Variants in CANX observed in about 807,000 individuals in gnomAD.
CANX encodes epididymis secretory sperm binding protein.
CANX carries 14 observed loss-of-function variants against 75.7 expected under a neutral mutation model. The observed-to-expected ratio is 0.19, with a 90% CI of 0.12 to 0.29. The LOEUF (loss-of-function observed/expected upper bound fraction) is 0.29, where lower values mean the gene tolerates loss of function less well. CANX is among the 10% of genes least tolerant of loss of function. CANX has a pLI of 1.00. For missense variants in CANX, 567 were observed against 713.2 expected (o/e 0.79, Z 2.34); for synonymous variants, 227 against 236.9 (o/e 0.96, Z 0.38).
At position 179,716,346 on chromosome 5, in the gene CANX, A is replaced by G. The variant is rs777112155; in HGVS notation, c.911+52A>G. 2.9e-6 allele frequency: 4 copies of G among 1,366,386 alleles called. No individual in the cohort carries two copies. The Admixed American group carries it at 6.1e-5, about 21-fold the overall frequency. The allele number at this position is 1,366,386 out of a possible 1,614,324, so 84.6% of individuals were successfully genotyped here. ...TGTAAGGGAGCATTTCATATATTCCATGTGGCTTGAACAACGAAATGTTGG... is the reference window on the plus strand; with the variant it reads ...TGTAAGGGAGCATTTCATATATTCCGTGTGGCTTGAACAACGAAATGTTGG... On this transcript the variant is annotated intron_variant, in intron 8 of 14. Transcript: ENST00000247461.
chr5:179,709,856 C>CTTTTT lies in CANX; in HGVS notation c.529-15_529-11dup. The CTTTTT allele has an allele frequency of 6.5e-7, 1 of 1,527,500 alleles. No individual in the cohort carries two copies. The highest frequency in any genetic ancestry group is 8.8e-7 in the Non-Finnish European group (1 of 1,135,092). 94.6% of individuals were successfully genotyped at this position (1,527,500 alleles called of 1,614,324 possible). Reference sequence around the variant, plus strand: ...TTGAGTACAGTGACTTCAAATAATCCTTTTTTGTTTTTGAAGGATCAGTTC... The same window carrying CTTTTT: ...TTGAGTACAGTGACTTCAAATAATCCTTTTTTTTTTTGTTTTTGAAGGATCAGTTC... On this transcript the variant is annotated splice_polypyrimidine_tract_variant and intron_variant, in intron 6 of 14. Coordinates refer to ENST00000247461, the MANE Select transcript of CANX (RefSeq NM_001746.4).
chr5:179,706,796 T>C (rs973473869), intron 3 of CANX, among the ~76,000 whole-genome samples: 8 of 152,176 alleles, frequency 5.3e-5, no homozygotes, highest in African/African-American at 1.9e-4. Flanking sequence ...TTAACATCCA[T>C]GCAGGAAAAT....
upstream of CANX, among the ~76,000 whole-genome samples, chr5:179,698,179 A>G (rs1274445704): frequency 6.6e-6 from 1 of 152,208 alleles, no homozygotes; most frequent in Non-Finnish European, 1.5e-5. Flanking sequence ...GTGGGTTACT[A>G]AAATGGTGGC....
chr5:179,706,727 C>A (rs1227622368), intron 3 of CANX, among the ~76,000 whole-genome samples: 1 of 152,086 alleles, frequency 6.6e-6, no homozygotes, highest in East Asian at 1.9e-4. Context: ...AAATTGTTGG[C>A]ATTACAGGCA....
chr5:179,723,015 C>T lies in CANX; in HGVS notation c.1394C>T (p.Ala465Val), dbSNP rs1778410866. The change falls in exon 11 of 15, where the codon GCT becomes GTT. Residue 465 changes from alanine to valine, a missense_variant. This residue lies in a region of CANX where 167 missense variants were observed against 179.3 expected (regional missense o/e 0.93). Coordinates refer to ENST00000247461, the MANE Select transcript of CANX (RefSeq NM_001746.4). ...WGLKKAADGA[A>V]EPGVVGQMIE... ...CTGAAGAAAGCTGCTGATGGGGCTG[C>T]TGAGGTTCGTGTTTGCTGCTTGTGC... The T allele has an allele frequency of 1.9e-6, 3 of 1,613,312 alleles. No individual in the cohort carries two copies. The highest frequency in any genetic ancestry group is 2.5e-6 in the Non-Finnish European group (3 of 1,179,294).
exon 1 of CANX, chr5:179,678,657 T>G (rs757288930): frequency 1.7e-5 from 26 of 1,535,310 alleles, no homozygotes; most frequent in East Asian, 2.4e-5. Context: ...CGCATCTTCC[T>G]CTGCCCGGCG....
intron 1 of CANX, among the ~76,000 whole-genome samples, chr5:179,683,275 C>G (rs2113028340): frequency 6.6e-6 from 1 of 152,092 alleles, no homozygotes; most frequent in South Asian, 2.1e-4. Flanking sequence ...CTACAGGCAC[C>G]CGCCACCATG....
At chr5:179,723,600 C>G (rs1778452653) in intron 11 of CANX, 60 bp from the exon 12 acceptor site, 1 of 1,582,932 alleles carries the variant, frequency 6.3e-7, no homozygotes, top group South Asian at 1.2e-5. Context: ...AGAAAAACAG[C>G]ACGGCCTATG....
Position 179,698,995 on chromosome 5 carries a change from G to C in CANX, c.-111G>C. ...GGTGGCCGAGGCCTCTTGGTTCTGCGGCACGTGACGGTCGGGCCGCCTCCG... is the reference window on the plus strand; with the variant it reads ...GGTGGCCGAGGCCTCTTGGTTCTGCCGCACGTGACGGTCGGGCCGCCTCCG... On this transcript the variant is annotated 5_prime_UTR_variant, in exon 1 of 15. Coordinates refer to ENST00000247461, the MANE Select transcript of CANX (RefSeq NM_001746.4). 1.8e-6 allele frequency: 2 copies of C among 1,122,852 alleles called. No individual in the cohort carries two copies. Among genetic ancestry groups the C allele is most frequent in the Non-Finnish European group, 2.2e-6 (2 of 911,144 alleles). The allele number at this position is 1,122,852 out of a possible 1,614,324, so 69.6% of individuals were successfully genotyped here.
At position 179,726,300 on chromosome 5, in the gene CANX, C is replaced by T. The variant is rs183214608; in HGVS notation, c.1646-380C>T. On this transcript the variant is annotated intron_variant, in intron 13 of 14. Transcript: ENST00000247461. ...AGTCGATCTCAAAAAAAATAGTGGCCGGGCGCGATGGCTCACGCCTGTAAT... is the reference window on the plus strand; with the variant it reads ...AGTCGATCTCAAAAAAAATAGTGGCTGGGCGCGATGGCTCACGCCTGTAAT... Among the ~76,000 whole-genome samples, 34 of 150,654 alleles carry T rather than the reference C, an allele frequency of 2.3e-4. No homozygotes were observed. The East Asian group carries it at 5.8e-3, about 25-fold the overall frequency.
intron 1 of CANX, chr5:179,679,273 A>T: frequency 6.6e-7 from 1 of 1,516,858 alleles, no homozygotes; most frequent in Non-Finnish European, 8.8e-7. Flanking sequence ...CTGCTGGGAG[A>T]CAAGAGTCCG....
At chr5:179,682,079 C>T (rs1006670040) in intron 1 of CANX, among the ~76,000 whole-genome samples, 13 of 151,386 alleles carry the variant, frequency 8.6e-5, no homozygotes, top group African/African-American at 2.9e-4. Context: ...GGTGAAACTC[C>T]GTGTCTACTA....
At chr5:179,678,832 C>T in intron 1 of CANX, 1 of 1,537,004 alleles carries the variant, frequency 6.5e-7, no homozygotes, top group Non-Finnish European at 8.7e-7. Flanking sequence ...CCTGCGCCTT[C>T]CAGCCCCAGG....
chr5:179,725,984 C>G (rs1357360949), intron 13 of CANX, among the ~76,000 whole-genome samples: 4 of 106,240 alleles, frequency 3.8e-5, no homozygotes. Context: ...GAGACTGAGT[C>G]TCAAAAAAAA....
intron 13 of CANX, among the ~76,000 whole-genome samples, chr5:179,726,358 T>C (rs1206036875): frequency 2.0e-5 from 3 of 151,668 alleles, no homozygotes; most frequent in African/African-American, 7.3e-5. Context: ...GAGGAGATCA[T>C]GAGGTCAGGA....
intron 1 of CANX, among the ~76,000 whole-genome samples, chr5:179,680,142 C>T (rs1393483958): frequency 6.6e-6 from 1 of 151,900 alleles, no homozygotes; most frequent in African/African-American, 2.4e-5. Context: ...GATGTGAACA[C>T]GAGCTTGGAT....
intron 1 of CANX, among the ~76,000 whole-genome samples, chr5:179,701,946 G>T (rs1336552966): frequency 2.0e-5 from 3 of 151,880 alleles, no homozygotes; most frequent in African/African-American, 7.3e-5. Context: ...TCACCGGGTT[G>T]TCCAGGCTGG....
intron 1 of CANX, among the ~76,000 whole-genome samples, chr5:179,679,910 C>T (rs1438769955): frequency 2.7e-5 from 4 of 149,438 alleles, no homozygotes; most frequent in Admixed American, 2.0e-4. Flanking sequence ...CCACCCAACT[C>T]GGCCTCCCAA....
upstream of CANX, chr5:179,694,537 C>T (rs1289139376): frequency 1.5e-5 from 12 of 778,136 alleles, no homozygotes; most frequent in Admixed American, 1.9e-4. Context: ...CCTGGCATCT[C>T]TATTGGAGAT....
Sources: allele counts gnomAD v4.1 joint callset (sites outside exome capture counted in the v4.1 genomes callset), GRCh38; gene constraint gnomAD v4.1.1; regional missense constraint gnomAD v4.1.1; transcripts MANE v1.5; gene names NCBI Gene and HGNC (gene_info 2026-07-23, HGNC 2026-07-21).